Variants in FSTL5 observed in about 807,000 individuals in gnomAD.
FSTL5 encodes follistatin like 5.
Under a neutral mutation model 89.1 loss-of-function variants are expected in FSTL5, and 62 were observed. That is an observed-to-expected ratio of 0.70 (90% CI 0.57 to 0.86). The LOEUF (loss-of-function observed/expected upper bound fraction) is 0.86, where lower values mean the gene tolerates loss of function less well. Ranked by LOEUF, FSTL5 falls within the 40% of genes least tolerant of loss-of-function variation. FSTL5 has a pLI of 0.00. For missense variants in FSTL5, 1,057 were observed against 1,001.6 expected (o/e 1.06, Z -0.75); for synonymous variants, 383 against 346.2 (o/e 1.11, Z -1.18).
At position 161,620,391 on chromosome 4, in the gene FSTL5, A is replaced by C. The variant is rs950157848; in HGVS notation, c.895-32816T>G. Among the ~76,000 whole-genome samples the C allele has an allele frequency of 2.6e-5, 4 of 152,276 alleles. No homozygotes were observed. The South Asian group carries it at 8.3e-4, about 32-fold the overall frequency. Reference sequence around the variant, plus strand: ...TAACAGAGGCCAGGAGCAGTGGCTTACATCTGTAATCCCAGTGCTTTGGGA... The same window carrying C: ...TAACAGAGGCCAGGAGCAGTGGCTTCCATCTGTAATCCCAGTGCTTTGGGA... On this transcript the variant is annotated intron_variant, in intron 7 of 15. Transcript: ENST00000306100.
intron 4 of FSTL5, among the ~76,000 whole-genome samples, chr4:161,914,874 G>T (rs1008308444): frequency 9.9e-5 from 15 of 152,138 alleles, no homozygotes; most frequent in African/African-American, 3.6e-4. Flanking sequence ...TGTTGGCCAA[G>T]AATTACATTA....
At chr4:161,550,991 C>T (rs1732190658) in intron 8 of FSTL5, among the ~76,000 whole-genome samples, 1 of 151,926 alleles carries the variant, frequency 6.6e-6, no homozygotes, top group African/African-American at 2.4e-5. Context: ...CATTGTTGGA[C>T]ATTTGGGTTG....
chr4:161,848,292 C>T (rs953472024), intron 4 of FSTL5, among the ~76,000 whole-genome samples: 5 of 152,010 alleles, frequency 3.3e-5, no homozygotes, highest in Admixed American at 3.3e-4. Context: ...TTATAACTTT[C>T]AGGAGGCTGA....
rs1553965282 is a variant in FSTL5 at position 161,779,821 on chromosome 4, A to ATATATATG, written c.410-3748_410-3747insCATATATA. Among the ~76,000 whole-genome samples the ATATATATG allele has an allele frequency of 1.3e-3, 80 of 63,322 alleles. 3 individuals are homozygous for ATATATATG. The highest frequency in any genetic ancestry group is 1.9e-3 in the Non-Finnish European group (68 of 36,506). 41.5% of individuals were successfully genotyped at this position (63,322 alleles called of 152,430 possible). A position where few individuals can be genotyped will look rare whatever the true frequency, so the allele number is the denominator to read the frequency against. ...TATATATATATATATGTATATATAT[A>ATATATATG]TATATATATATATATGTATATAAAA... On this transcript the variant is annotated intron_variant, in intron 4 of 15. Transcript: ENST00000306100.
At chr4:161,614,687 A>G (rs916604583) in intron 7 of FSTL5, among the ~76,000 whole-genome samples, 1 of 152,204 alleles carries the variant, frequency 6.6e-6, no homozygotes, top group African/African-American at 2.4e-5. Context: ...TTGCAATTAT[A>G]TAATTTACAA....
Position 161,622,563 on chromosome 4 carries a change from A to C in FSTL5, c.894+33765T>G, listed in dbSNP as rs544297712. On this transcript the variant is annotated intron_variant, in intron 7 of 15. Transcript: ENST00000306100. Reference sequence around the variant, plus strand: ...TTTATTTATTTACATATGTGTATATATATATATAATGACCAAGTGGAGTTA... The same window carrying C: ...TTTATTTATTTACATATGTGTATATCTATATATAATGACCAAGTGGAGTTA... Among the ~76,000 whole-genome samples, 62 of 152,066 alleles carry C rather than the reference A, an allele frequency of 4.1e-4. 1 individual carries two copies. The highest frequency in any genetic ancestry group is 1.5e-3 in the African/African-American group (62 of 41,510).
intron 1 of FSTL5, among the ~76,000 whole-genome samples, chr4:162,156,794 A>G (rs1019097565): frequency 2.0e-5 from 3 of 152,134 alleles, no homozygotes. Flanking sequence ...ATTGGGTATT[A>G]TGCTCAGTAC....
At chr4:161,516,847 A>G (rs1162905978) in intron 10 of FSTL5, among the ~76,000 whole-genome samples, 4 of 151,362 alleles carry the variant, frequency 2.6e-5, no homozygotes, top group Non-Finnish European at 5.9e-5. Flanking sequence ...CCAAACATCA[A>G]GACTTTTTGA....
intron 2 of FSTL5, among the ~76,000 whole-genome samples, chr4:162,101,908 G>T (rs1256017362): frequency 6.6e-6 from 1 of 152,106 alleles, no homozygotes; most frequent in African/African-American, 2.4e-5. Context: ...CTTGCCAATG[G>T]ATCAATATCA....
intron 4 of FSTL5, among the ~76,000 whole-genome samples, chr4:161,777,674 C>T (rs1217815270): frequency 6.6e-6 from 1 of 152,096 alleles, no homozygotes; most frequent in Non-Finnish European, 1.5e-5. Context: ...TGCCTCTCCA[C>T]AGCTAAATCA....
chr4:161,476,771 A>T (rs2126446068), intron 13 of FSTL5, among the ~76,000 whole-genome samples: 1 of 152,306 alleles, frequency 6.6e-6, no homozygotes, highest in Non-Finnish European at 1.5e-5. Context: ...ACTTTTGCCA[A>T]AGGAAGAGGA....
chr4:161,972,169 T>C (rs986680301), intron 3 of FSTL5, among the ~76,000 whole-genome samples: 1 of 152,066 alleles, frequency 6.6e-6, no homozygotes, highest in Non-Finnish European at 1.5e-5. Flanking sequence ...CTGGGCTCAA[T>C]GCAACCTCCG....
rs555450232 is a variant in FSTL5, at chr4:161,415,797, C to CAT, written c.1842-29350_1842-29349dup. On this transcript the variant is annotated intron_variant, in intron 15 of 15. Transcript: ENST00000306100. ...GGGATATATATATGATATATATACACATATATATATCATACATATAGGGGA... is the reference window on the plus strand; with the variant it reads ...GGGATATATATATGATATATATACACATATATATATATCATACATATAGGGGA... 5.3e-3 allele frequency among the ~76,000 whole-genome samples: 695 copies of CAT among 130,508 alleles called. 5 individuals are homozygous for CAT. Among genetic ancestry groups the CAT allele is most frequent in the African/African-American group, 0.018 (642 of 35,066 alleles). The allele number at this position is 130,508 out of a possible 152,430, so 85.6% of individuals were successfully genotyped here. A position where few individuals can be genotyped will look rare whatever the true frequency, so the allele number is the denominator to read the frequency against.
intron 4 of FSTL5, among the ~76,000 whole-genome samples, chr4:161,836,481 AG>A (rs1392122460): frequency 6.6e-6 from 1 of 151,764 alleles, no homozygotes; most frequent in East Asian, 1.9e-4. Context: ...AGAAAAGAAA[AG>A]AAAAAAAAAA....
At chr4:161,987,893 A>G (rs1169318241) in intron 3 of FSTL5, among the ~76,000 whole-genome samples, 1 of 151,784 alleles carries the variant, frequency 6.6e-6, no homozygotes, top group Non-Finnish European at 1.5e-5. Context: ...TACCAAATAA[A>G]AAAAACTTAG....
intron 3 of FSTL5, among the ~76,000 whole-genome samples, chr4:162,017,258 T>C (rs4691035): frequency 0.097 from 14,718 of 152,212 alleles, 840 homozygotes; most frequent in Non-Finnish European, 0.13. Context: ...TCTGCAAGCA[T>C]GTTCTCAGAA....
chr4:161,513,928 C>T (rs1730733790), intron 10 of FSTL5, among the ~76,000 whole-genome samples: 1 of 152,032 alleles, frequency 6.6e-6, no homozygotes, highest in Non-Finnish European at 1.5e-5. Context: ...CAACAAACCC[C>T]CATGACACAC....
chr4:161,935,514 G>A (rs1734407609), intron 3 of FSTL5, among the ~76,000 whole-genome samples: 1 of 152,074 alleles, frequency 6.6e-6, no homozygotes, highest in South Asian at 2.1e-4. Context: ...TAAAAAATTT[G>A]ATTGACATTT....
intron 1 of FSTL5, among the ~76,000 whole-genome samples, chr4:162,116,007 G>A (rs150333284): frequency 7.0e-4 from 106 of 152,152 alleles, no homozygotes; most frequent in African/African-American, 2.1e-3. Context: ...GCATGCCTTT[G>A]AATGAAAAGA....
Sources: allele counts gnomAD v4.1 joint callset (sites outside exome capture counted in the v4.1 genomes callset), GRCh38; gene constraint gnomAD v4.1.1; transcripts MANE v1.5; gene names NCBI Gene and HGNC (gene_info 2026-07-23, HGNC 2026-07-21).